Variants in MPPED2 observed in about 807,000 individuals in gnomAD.
MPPED2 encodes the protein metallophosphoesterase domain containing 2.
A neutral mutation model predicts 33.0 loss-of-function variants in MPPED2; 5 were observed. The ratio of observed to expected loss-of-function variants is 0.15; its 90% confidence interval spans 0.08 to 0.32. The LOEUF (loss-of-function observed/expected upper bound fraction) is 0.32. Ranked by LOEUF, MPPED2 falls within the 10% of genes least tolerant of loss-of-function variation. MPPED2 has a pLI of 1.00. For synonymous variants in MPPED2, 136 were observed against 141.9 expected, an observed-to-expected ratio of 0.96 and a Z score of 0.29; for missense variants, 275 against 372.1, an observed-to-expected ratio of 0.74 and a Z score of 2.15.
intron 5 of MPPED2, among the ~76,000 whole-genome samples, chr11:30,415,462 C>G (rs750528621): frequency 6.6e-6 from 1 of 152,178 alleles, no homozygotes; most frequent in Non-Finnish European, 1.5e-5. Context: ...CTTGCTTATA[C>G]CATAACAGTG....
chr11:30,485,399 G>C (rs1268433738), intron 4 of MPPED2, among the ~76,000 whole-genome samples: 1 of 42,846 alleles, frequency 2.3e-5, no homozygotes, highest in Non-Finnish European at 9.1e-5. Context: ...GGTTCAGAGA[G>C]ATTGCATAAC....
chr11:30,578,946 C>T (rs780243960), intron 2 of MPPED2, among the ~76,000 whole-genome samples: 11 of 151,014 alleles, frequency 7.3e-5, no homozygotes, highest in East Asian at 1.9e-4. Flanking sequence ...ATTTAAAGAA[C>T]GTATAAAGTT....
At chr11:30,535,893 G>A in intron 3 of MPPED2, 101 bp downstream of exon 3, 1 of 950,816 alleles carries the variant, frequency 1.1e-6, no homozygotes, top group Non-Finnish European at 1.5e-6. Context: ...ACGAGAAATG[G>A]CTGAGCTGGC....
chr11:30,418,598 G>A (rs533506406), intron 4 of MPPED2, among the ~76,000 whole-genome samples: 1 of 152,098 alleles, frequency 6.6e-6, no homozygotes, highest in Non-Finnish European at 1.5e-5. Context: ...TTGTTCTGTG[G>A]GTAAATTCTA....
chr11:30,408,462 C>T (rs1565037499), downstream of MPPED2, among the ~76,000 whole-genome samples: 1 of 152,166 alleles, frequency 6.6e-6, no homozygotes, highest in Non-Finnish European at 1.5e-5. Context: ...CAGGCATGTG[C>T]CACCACGCCC....
downstream of MPPED2, among the ~76,000 whole-genome samples, chr11:30,409,454 A>C (rs1412157124): frequency 6.6e-6 from 1 of 152,218 alleles, no homozygotes; most frequent in Non-Finnish European, 1.5e-5. Flanking sequence ...AACACAGCCT[A>C]TGGTGACATC....
Position 30,457,484 on chromosome 11 carries a change from G to A in MPPED2, c.536+37812C>T, listed in dbSNP as rs559010862. On this transcript the variant is annotated intron_variant, in intron 4 of 6. Coordinates refer to ENST00000358117, the MANE Select transcript of MPPED2 (RefSeq NM_001584.3). ...TTGTATTTTCAAATTGTTGGTATGT[G>A]TCCCAAGTTTGCAAAGTTTCAAACT... Among the ~76,000 whole-genome samples, 45 of 151,824 alleles carry A rather than the reference G, an allele frequency of 3.0e-4. 1 individual carries two copies. The highest frequency in any genetic ancestry group is 1.0e-3 in the African/African-American group (42 of 41,356).
intron 2 of MPPED2, among the ~76,000 whole-genome samples, chr11:30,567,965 C>T (rs529728662): frequency 1.4e-4 from 21 of 152,294 alleles, no homozygotes; most frequent in African/African-American, 4.3e-4. Context: ...AAGAATAAAA[C>T]AGACACACCA....
intron 3 of MPPED2, among the ~76,000 whole-genome samples, chr11:30,507,224 C>G (rs1952879381): frequency 6.6e-6 from 1 of 152,176 alleles, no homozygotes; most frequent in Admixed American, 6.5e-5. Context: ...GCAATTACTG[C>G]AAACAAACTC....
At chr11:30,574,766 T>C (rs1236026847) in intron 2 of MPPED2, among the ~76,000 whole-genome samples, 1 of 152,204 alleles carries the variant, frequency 6.6e-6, no homozygotes, top group Non-Finnish European at 1.5e-5. Context: ...AATTACATTT[T>C]TTATCAATTT....
chr11:30,486,780 T>C (rs1951761447), intron 4 of MPPED2, among the ~76,000 whole-genome samples: 2 of 152,242 alleles, frequency 1.3e-5, no homozygotes, highest in Non-Finnish European at 2.9e-5. Flanking sequence ...TCTAGGTACA[T>C]GTACCTTGTT....
chr11:30,535,407 G>T (rs1000478663), intron 3 of MPPED2, among the ~76,000 whole-genome samples: 2 of 152,084 alleles, frequency 1.3e-5, no homozygotes, highest in Non-Finnish European at 2.9e-5. Flanking sequence ...CCAGAAAATT[G>T]CTATTATCCT....
At chr11:30,551,494 A>G (rs995143302) in intron 2 of MPPED2, among the ~76,000 whole-genome samples, 1 of 152,208 alleles carries the variant, frequency 6.6e-6, no homozygotes, top group Non-Finnish European at 1.5e-5. Flanking sequence ...CCTGATTTCA[A>G]ATAAATTCCT....
At chr11:30,541,140 C>A (rs1353321003) in intron 2 of MPPED2, among the ~76,000 whole-genome samples, 7 of 152,212 alleles carry the variant, frequency 4.6e-5, no homozygotes, top group Admixed American at 4.6e-4. Context: ...TTCCAATGAA[C>A]TTTCCAAGTT....
chr11:30,522,387 T>TACACAC (rs60549510), intron 3 of MPPED2, among the ~76,000 whole-genome samples: 270 of 146,384 alleles, frequency 1.8e-3, no homozygotes, highest in East Asian at 7.1e-3. Flanking sequence ...CAGGAAAACA[T>TACACAC]ACACACACAC....
intron 6 of MPPED2, among the ~76,000 whole-genome samples, chr11:30,401,579 A>C (rs1002999030): frequency 5.3e-5 from 8 of 152,248 alleles, no homozygotes; most frequent in African/African-American, 1.9e-4. Context: ...GGGTAGCAGA[A>C]GCATTTTCTT....
rs145561242 is a variant in MPPED2 at position 30,400,188 on chromosome 11, C to G, written c.767-11232G>C. Among the ~76,000 whole-genome samples, 42 of 152,264 alleles carry G rather than the reference C, an allele frequency of 2.8e-4. No homozygotes were observed. The East Asian group carries it at 7.3e-3, about 27-fold the overall frequency. On this transcript the variant is annotated intron_variant, in intron 6 of 6. Transcript: ENST00000448418. Reference sequence around the variant, plus strand: ...CAAGCTCCTGCATCAGCCTCCTAATCAGCCTCCTGAGTAGCTAGGACTACA... The same window carrying G: ...CAAGCTCCTGCATCAGCCTCCTAATGAGCCTCCTGAGTAGCTAGGACTACA...
chr11:30,487,078 T>C (rs1373002632), intron 4 of MPPED2, among the ~76,000 whole-genome samples: 1 of 152,224 alleles, frequency 6.6e-6, no homozygotes, highest in Non-Finnish European at 1.5e-5. Context: ...AGGGTATGCA[T>C]AGAGGACAAA....
intron 2 of MPPED2, among the ~76,000 whole-genome samples, chr11:30,569,324 C>A (rs1254037194): frequency 6.6e-6 from 1 of 152,212 alleles, no homozygotes; most frequent in East Asian, 1.9e-4. Flanking sequence ...GATACCCAAG[C>A]CTTTACATGT....
Sources: gnomAD v4.1 joint callset for allele counts (sites outside exome capture counted in the v4.1 genomes callset) on GRCh38, gnomAD v4.1.1 for gene constraint, MANE v1.5 for transcripts, NCBI Gene and HGNC (gene_info 2026-07-23, HGNC 2026-07-21) for gene names.